NUP98: variants seen among roughly 807,000 people sequenced by gnomAD.
The protein encoded by NUP98 is nuclear pore complex protein Nup98-Nup96.
NUP98 carries 26 observed loss-of-function variants against 191.9 expected under a neutral mutation model. That is an observed-to-expected ratio of 0.14 (90% CI 0.10 to 0.19). The LOEUF is 0.19. NUP98 is among the 10% of genes least tolerant of loss of function. The pLI is 1.00. For missense variants in NUP98, 1,941 were observed against 2,178.8 expected (o/e 0.89, Z 2.17); for synonymous variants, 808 against 778.4 (o/e 1.04, Z -0.63).
At chr11:3,735,684 A>G (rs563900106) in intron 12 of NUP98, among the ~76,000 whole-genome samples, 1 of 151,800 alleles carries the variant, frequency 6.6e-6, no homozygotes, top group Non-Finnish European at 1.5e-5. Context: ...ATAGTCTTTG[A>G]CTTCTAGAAA....
At chr11:3,793,713 G>A (rs1395235007) in intron 1 of NUP98, among the ~76,000 whole-genome samples, 2 of 152,188 alleles carry the variant, frequency 1.3e-5, no homozygotes, top group South Asian at 2.1e-4. Flanking sequence ...GCTCACGCCT[G>A]TAATCCCAGC....
chr11:3,758,614 A>C (rs1267981445), intron 10 of NUP98, among the ~76,000 whole-genome samples: 1 of 152,128 alleles, frequency 6.6e-6, no homozygotes, highest in Non-Finnish European at 1.5e-5. Flanking sequence ...GTGAAACCCC[A>C]TCTCTACTTT....
chr11:3,693,701 TAATC>T lies in NUP98; in HGVS notation c.4168-330_4168-327del, dbSNP rs561337580. Reference sequence around the variant, plus strand: ...AGACACTGTGCCTGGTCCCAGGATTTAATCAATCAATCAGTACTCAAATGAGATG... The same window carrying T: ...AGACACTGTGCCTGGTCCCAGGATTTAATCAATCAGTACTCAAATGAGATG... On this transcript the variant is annotated intron_variant, in intron 26 of 32. Coordinates refer to ENST00000324932, the MANE Select transcript of NUP98 (RefSeq NM_016320.5). 3.9e-5 allele frequency among the ~76,000 whole-genome samples: 6 copies of T among 152,268 alleles called. No homozygotes were observed. The South Asian group carries it at 1.0e-3, about 26-fold the overall frequency.
At chr11:3,762,837 A>G in intron 9 of NUP98, 65 bp downstream of exon 9, 1 of 1,564,052 alleles carries the variant, frequency 6.4e-7, no homozygotes, top group East Asian at 2.3e-5. Flanking sequence ...TCAAATCCTT[A>G]GAAGAAAATT....
intron 11 of NUP98, among the ~76,000 whole-genome samples, chr11:3,748,186 A>AAT (rs1442081224): frequency 6.6e-6 from 1 of 152,220 alleles, no homozygotes; most frequent in Non-Finnish European, 1.5e-5. Flanking sequence ...TCAGAAAAAG[A>AAT]ATTATAGAGT....
At chr11:3,718,673 A>G (rs1466423892) in intron 18 of NUP98, among the ~76,000 whole-genome samples, 1 of 152,252 alleles carries the variant, frequency 6.6e-6, no homozygotes, top group Non-Finnish European at 1.5e-5. Context: ...GGTTATGAAG[A>G]TAAATAATTT....
rs1251829925 is a variant in NUP98 at position 3,742,719 on chromosome 11, AG to A, written c.1408+1789del. On this transcript the variant is annotated intron_variant, in intron 12 of 32. Transcript: ENST00000324932. ...GTCTCCAAAAAAAAAAAAAAAAAAA[AG>A]ATGAGAAAAGAAATAAGGGTAATAA... Among the ~76,000 whole-genome samples the A allele has an allele frequency of 2.1e-3, 299 of 139,884 alleles. 1 individual carries two copies. Among genetic ancestry groups the A allele is most frequent in the African/African-American group, 7.0e-3 (263 of 37,654 alleles). The allele number at this position is 139,884 out of a possible 152,430, so 91.8% of individuals were successfully genotyped here. A position where few individuals can be genotyped will look rare whatever the true frequency, so the allele number is the denominator to read the frequency against.
At chr11:3,752,095 G>C (rs2080780932) in intron 11 of NUP98, among the ~76,000 whole-genome samples, 1 of 149,662 alleles carries the variant, frequency 6.7e-6, no homozygotes, top group Admixed American at 6.7e-5. Flanking sequence ...AGTGAGCCGA[G>C]ATTATGCCAC....
chr11:3,728,038 C>A (rs2079689361), intron 14 of NUP98, among the ~76,000 whole-genome samples: 1 of 151,852 alleles, frequency 6.6e-6, no homozygotes, highest in Non-Finnish European at 1.5e-5. Context: ...AAAAAATAAA[C>A]CAAAAATAGT....
rs1255404420 is a variant in NUP98 at position 3,686,209 on chromosome 11, T to C, written c.4455-15A>G. On this transcript the variant is annotated splice_polypyrimidine_tract_variant and intron_variant, in intron 28 of 32. Coordinates refer to ENST00000324932, the MANE Select transcript of NUP98 (RefSeq NM_016320.5). ...GATCATAATGTCTGCAAAGAACGTG[T>C]TGAGAGTCAACATACACAGCCAGGA... 1.2e-6 allele frequency: 2 copies of C among 1,612,964 alleles called. No individual in the cohort carries two copies. Among genetic ancestry groups the C allele is most frequent in the South Asian group, 1.1e-5 (1 of 91,052 alleles).
chr11:3,746,294 A>AAAAAAAAAAAAG lies in NUP98; in HGVS notation c.1268-1646_1268-1645insCTTTTTTTTTTT, dbSNP rs144936005. Among the ~76,000 whole-genome samples, 58 of 93,048 alleles carry AAAAAAAAAAAAG rather than the reference A, an allele frequency of 6.2e-4. 5 individuals are homozygous for AAAAAAAAAAAAG. The highest frequency in any genetic ancestry group is 1.2e-3 in the African/African-American group (23 of 19,962). 61.0% of individuals were successfully genotyped at this position (93,048 alleles called of 152,430 possible). ...CAAAAAAAAAAAAAAAAAAAAAAAA[A>AAAAAAAAAAAAG]GACAGCTTTGGGACAAAGAATAAGA... On this transcript the variant is annotated intron_variant, in intron 11 of 32. Coordinates refer to ENST00000324932, the MANE Select transcript of NUP98 (RefSeq NM_016320.5).
intron 14 of NUP98, among the ~76,000 whole-genome samples, chr11:3,728,059 T>C (rs1339572161): frequency 6.6e-6 from 1 of 151,666 alleles, no homozygotes. Flanking sequence ...GTCGCAAGAG[T>C]AGTCTTCATT....
intron 11 of NUP98, among the ~76,000 whole-genome samples, chr11:3,746,198 G>A (rs1246055609): frequency 1.3e-5 from 2 of 148,850 alleles, no homozygotes; most frequent in African/African-American, 2.5e-5. Flanking sequence ...GAACCCGGGA[G>A]GTGGAGGTTG....
At chr11:3,696,655 A>G (rs1053901630) in intron 25 of NUP98, 3 of 151,944 alleles carry the variant, frequency 2.0e-5, no homozygotes, top group Admixed American at 1.3e-4. Context: ...CTAAATATAC[A>G]AAAGTTAGCC....
chr11:3,711,819 A>T, intron 20 of NUP98: 1 of 1,027,460 alleles, frequency 9.7e-7, no homozygotes, highest in African/African-American at 1.7e-5. Context: ...ATGTATATAC[A>T]CACATTCTCC....
intron 31 of NUP98, among the ~76,000 whole-genome samples, chr11:3,678,648 T>C (rs905487183): frequency 1.3e-5 from 2 of 151,996 alleles, no homozygotes; most frequent in African/African-American, 4.8e-5. Flanking sequence ...ACACCAGAAG[T>C]AATTTAGTGT....
At chr11:3,713,761 C>T (rs1009620661) in intron 19 of NUP98, 57 bp downstream of exon 19, 47 of 1,515,778 alleles carry the variant, frequency 3.1e-5, no homozygotes, top group Middle Eastern at 1.7e-4. Flanking sequence ...CCAACATAAA[C>T]GTTATGTGAC....
At position 3,746,828 on chromosome 11, in the gene NUP98, G is replaced by A. The variant is rs188929954; in HGVS notation, c.1268-2179C>T. ...TCGGGAAGGCTGAAGCAGGAGAATC[G>A]CTTGAGCCCGGGAGGCGGAGGTTGC... On this transcript the variant is annotated intron_variant, in intron 11 of 32. Coordinates refer to ENST00000324932, the MANE Select transcript of NUP98 (RefSeq NM_016320.5). Among the ~76,000 whole-genome samples the A allele has an allele frequency of 1.2e-3, 185 of 151,374 alleles. 8 individuals are homozygous for A. The highest frequency in any genetic ancestry group is 4.1e-3 in the African/African-American group (169 of 40,992).
chr11:3,791,701 T>G (rs1347571231), intron 1 of NUP98, among the ~76,000 whole-genome samples: 2 of 149,888 alleles, frequency 1.3e-5, no homozygotes, highest in African/African-American at 4.9e-5. Flanking sequence ...AAATTAGCCA[T>G]GTGTGGTGGC....
Sources: gnomAD v4.1 joint callset for allele counts (sites outside exome capture counted in the v4.1 genomes callset) on GRCh38, gnomAD v4.1.1 for gene constraint, MANE v1.5 for transcripts, NCBI Gene and HGNC (gene_info 2026-07-23, HGNC 2026-07-21) for gene names.